Variants in MPPED1 observed in about 807,000 individuals in gnomAD.
MPPED1 encodes the protein metallophosphoesterase domain containing 1, also known as metallophosphoesterase domain-containing protein 1.
MPPED1 carries 16 observed loss-of-function variants against 36.2 expected under a neutral mutation model. That is an observed-to-expected ratio of 0.44 (90% CI 0.30 to 0.67). The LOEUF (loss-of-function observed/expected upper bound fraction) is 0.67, where lower values mean the gene tolerates loss of function less well. MPPED1 is among the 30% of genes least tolerant of loss of function. The probability of loss-of-function intolerance (pLI) is 0.10; values close to 1 mark genes in which losing one functional copy is unlikely to be tolerated. For synonymous variants in MPPED1, 199 were observed against 191.3 expected, an observed-to-expected ratio of 1.04 and a Z score of -0.33; for missense variants, 307 against 453.4, an observed-to-expected ratio of 0.68 and a Z score of 2.93.
At chr22:43,456,781 C>G (rs188637348) in intron 3 of MPPED1, among the ~76,000 whole-genome samples, 38 of 152,312 alleles carry the variant, frequency 2.5e-4, no homozygotes, top group Admixed American at 2.1e-3. Context: ...CAGGCGTGAG[C>G]CACCGCACCC....
intron 3 of MPPED1, among the ~76,000 whole-genome samples, chr22:43,463,847 C>A (rs963614987): frequency 1.3e-4 from 16 of 123,698 alleles, no homozygotes; most frequent in African/African-American, 3.5e-4. Context: ...TTCTTTCTTT[C>A]TTTCTTTCTT....
intron 4 of MPPED1, among the ~76,000 whole-genome samples, chr22:43,478,019 A>G (rs1375857190): frequency 6.6e-6 from 1 of 152,168 alleles, no homozygotes; most frequent in Admixed American, 6.5e-5. Flanking sequence ...GAGGATAACT[A>G]TTTAGTTTTA....
chr22:43,479,210 C>G (rs1258365698), intron 4 of MPPED1, among the ~76,000 whole-genome samples: 1 of 152,186 alleles, frequency 6.6e-6, no homozygotes, highest in African/African-American at 2.4e-5. Context: ...TTGTGAAGTT[C>G]AGATGTTCCA....
chr22:43,500,456 G>A (rs919532748), intron 5 of MPPED1, among the ~76,000 whole-genome samples: 9 of 150,176 alleles, frequency 6.0e-5, no homozygotes, highest in Admixed American at 1.3e-4. Context: ...TGACGGAGGT[G>A]GTGGAGGTGG....
At chr22:43,458,301 T>C (rs361760) in intron 3 of MPPED1, among the ~76,000 whole-genome samples, 55,262 of 151,710 alleles carry the variant, frequency 0.36, 11,907 homozygotes, top group Non-Finnish European at 0.48. Context: ...TTTTTTTTTT[T>C]TTTGAGACAG....
At chr22:43,462,527 C>T (rs1009875176) in intron 3 of MPPED1, among the ~76,000 whole-genome samples, 2 of 152,188 alleles carry the variant, frequency 1.3e-5, no homozygotes, top group African/African-American at 4.8e-5. Context: ...CATCTTTTCA[C>T]CTGTTAGTAT....
rs1006382403 is a variant in MPPED1, at chr22:43,505,860, G to A, written c.*244G>A. The A allele has an allele frequency of 1.3e-4, 61 of 479,582 alleles. No individual in the cohort carries two copies. The highest frequency in any genetic ancestry group is 2.2e-4 in the African/African-American group (11 of 51,116). 29.7% of individuals were successfully genotyped at this position (479,582 alleles called of 1,614,324 possible). On this transcript the variant is annotated 3_prime_UTR_variant, in exon 7 of 7. Coordinates refer to ENST00000443721, the MANE Select transcript of MPPED1 (RefSeq NM_001044370.2). ...TGCGTGTACATCCTGCGTGTACCTC[G>A]TTAAAGGACCTACTAAGCTCATGGC...
At chr22:43,456,178 G>T (rs1378044188) in intron 3 of MPPED1, among the ~76,000 whole-genome samples, 1 of 152,222 alleles carries the variant, frequency 6.6e-6, no homozygotes, top group Non-Finnish European at 1.5e-5. Flanking sequence ...CAAGCATAAT[G>T]TTGAATAGAA....
At chr22:43,439,535 T>C (rs577499585) in intron 3 of MPPED1, among the ~76,000 whole-genome samples, 1 of 152,360 alleles carries the variant, frequency 6.6e-6, no homozygotes, top group South Asian at 2.1e-4. Flanking sequence ...TCTTCACCCC[T>C]GTTTCCTCCT....
At chr22:43,469,460 G>A (rs566534097) in intron 3 of MPPED1, among the ~76,000 whole-genome samples, 9 of 2,906 alleles carry the variant, frequency 3.1e-3, no homozygotes, top group Non-Finnish European at 7.8e-3. Flanking sequence ...TCGTATCTAT[G>A]TTCGGGTTGG....
intron 3 of MPPED1, among the ~76,000 whole-genome samples, chr22:43,450,791 A>T (rs771801522): frequency 6.6e-6 from 1 of 151,904 alleles, no homozygotes; most frequent in Non-Finnish European, 1.5e-5. Context: ...CAATGGTGCC[A>T]TCTTGGCTCA....
intron 6 of MPPED1, among the ~76,000 whole-genome samples, chr22:43,503,923 G>A (rs1238812048): frequency 1.3e-5 from 2 of 152,162 alleles, no homozygotes; most frequent in Non-Finnish European, 2.9e-5. Context: ...GCAGGGAAGG[G>A]GAAATGTTCC....
At chr22:43,444,956 AAGTT>A (rs1159486012) in intron 3 of MPPED1, among the ~76,000 whole-genome samples, 1 of 152,204 alleles carries the variant, frequency 6.6e-6, no homozygotes, top group African/African-American at 2.4e-5. Context: ...GTTGAAAAAA[AAGTT>A]AGAGTAGCTC....
chr22:43,505,442 C>T (rs1237640049), intron 6 of MPPED1, 56 bp from the exon 7 acceptor site: 8 of 1,507,654 alleles, frequency 5.3e-6, no homozygotes, highest in Non-Finnish European at 7.2e-6. Flanking sequence ...CCACACCCCC[C>T]TGGCCACCCT....
chr22:43,442,167 T>G (rs1411528295), intron 3 of MPPED1, among the ~76,000 whole-genome samples: 2 of 151,942 alleles, frequency 1.3e-5, no homozygotes, highest in Non-Finnish European at 2.9e-5. Context: ...CTCTTCTACT[T>G]GGGGGTGCGG....
At chr22:43,440,888 T>C (rs1930126977) in intron 3 of MPPED1, among the ~76,000 whole-genome samples, 1 of 152,114 alleles carries the variant, frequency 6.6e-6, no homozygotes, top group Non-Finnish European at 1.5e-5. Flanking sequence ...ACAGGCTCCA[T>C]GTGGCCTCCC....
At chr22:43,459,452 C>A (rs117293030) in intron 3 of MPPED1, among the ~76,000 whole-genome samples, 1 of 152,186 alleles carries the variant, frequency 6.6e-6, no homozygotes, top group African/African-American at 2.4e-5. Flanking sequence ...GCTCCTCTTA[C>A]GCACACATGA....
Position 43,506,017 on chromosome 22 carries a change from C to G in MPPED1, c.*401C>G. ...TCCCTCTAACCACGGGTCTGTGTGG[C>G]GGCATGCCCCTGGGTTGGGGTGGGT... On this transcript the variant is annotated 3_prime_UTR_variant, in exon 7 of 7. Coordinates refer to ENST00000443721, the MANE Select transcript of MPPED1 (RefSeq NM_001044370.2). The G allele has an allele frequency of 6.6e-6, 1 of 151,156 alleles. No homozygotes were observed. Among genetic ancestry groups the G allele is most frequent in the Non-Finnish European group, 1.4e-5 (1 of 70,860 alleles). 9.4% of individuals were successfully genotyped at this position (151,156 alleles called of 1,614,324 possible).
intron 5 of MPPED1, 101 bp downstream of exon 5, chr22:43,498,451 G>A (rs1405733478): frequency 2.3e-6 from 2 of 861,768 alleles, no homozygotes; most frequent in Non-Finnish European, 3.5e-6. Context: ...AGCCCTGGAG[G>A]GGTTCTGAGT....
Sources: gnomAD v4.1 joint callset for allele counts (sites outside exome capture counted in the v4.1 genomes callset) on GRCh38, gnomAD v4.1.1 for gene constraint, MANE v1.5 for transcripts, NCBI Gene and HGNC (gene_info 2026-07-23, HGNC 2026-07-21) for gene names.